ASTN1: variants seen among roughly 807,000 people sequenced by gnomAD.
ASTN1 encodes astrotactin-1.
Under a neutral mutation model 140.7 loss-of-function variants are expected in ASTN1, and 41 were observed. The ratio of observed to expected loss-of-function variants is 0.29; its 90% CI spans 0.23 to 0.38. The LOEUF is 0.38. Among genes scored for constraint, ASTN1 ranks in the 10% least tolerant of loss-of-function variants. ASTN1 has a pLI of 1.00. For synonymous variants in ASTN1, 640 were observed against 652.2 expected (o/e 0.98, Z 0.29); for missense variants, 1,479 against 1,678.8 (o/e 0.88, Z 2.08).
intron 2 of ASTN1, among the ~76,000 whole-genome samples, chr1:177,057,176 A>G (rs1334207443): frequency 2.0e-5 from 3 of 152,190 alleles, no homozygotes; most frequent in Non-Finnish European, 4.4e-5. Context: ...TGGAAAAAAT[A>G]ATTCAAAAAT....
intron 1 of ASTN1, among the ~76,000 whole-genome samples, chr1:177,135,803 A>G (rs774271766): frequency 6.6e-6 from 1 of 152,178 alleles, no homozygotes; most frequent in Non-Finnish European, 1.5e-5. Flanking sequence ...AAGTGTTCTC[A>G]TGACCCAGTA....
chr1:176,895,599 C>T (rs565717366), intron 16 of ASTN1, among the ~76,000 whole-genome samples: 2 of 152,278 alleles, frequency 1.3e-5, no homozygotes, highest in East Asian at 3.9e-4. Context: ...AAAAGATTTG[C>T]ACTCCAAAAC....
chr1:177,152,987 T>A (rs1036230960), intron 1 of ASTN1, among the ~76,000 whole-genome samples: 1 of 152,212 alleles, frequency 6.6e-6, no homozygotes, highest in Admixed American at 6.5e-5. Flanking sequence ...GATTATGAGC[T>A]ATTTAATAAC....
chr1:176,958,879 A>G (rs897964776), intron 9 of ASTN1, among the ~76,000 whole-genome samples: 13 of 152,198 alleles, frequency 8.5e-5, no homozygotes, highest in Non-Finnish European at 1.8e-4. Flanking sequence ...AGTGGTGGCA[A>G]TGGCATCTCT....
intron 1 of ASTN1, among the ~76,000 whole-genome samples, chr1:177,108,519 G>A (rs944248915): frequency 1.3e-5 from 2 of 151,568 alleles, no homozygotes; most frequent in Admixed American, 1.3e-4. Flanking sequence ...AGTGTAACAT[G>A]TGTCAGAAAT....
intron 16 of ASTN1, among the ~76,000 whole-genome samples, chr1:176,923,478 C>T (rs1670825754): frequency 6.6e-6 from 1 of 152,100 alleles, no homozygotes; most frequent in Non-Finnish European, 1.5e-5. Flanking sequence ...ATACAGCAGG[C>T]CCCCATCATC....
intron 16 of ASTN1, among the ~76,000 whole-genome samples, chr1:176,903,540 T>C (rs1001865943): frequency 6.6e-6 from 1 of 152,180 alleles, no homozygotes; most frequent in Non-Finnish European, 1.5e-5. Context: ...TGAATTGTAG[T>C]AAATTTGTGT....
At chr1:176,917,664 C>A (rs1184362897) in intron 16 of ASTN1, among the ~76,000 whole-genome samples, 2 of 152,094 alleles carry the variant, frequency 1.3e-5, no homozygotes, top group Admixed American at 6.5e-5. Context: ...GCTGGGCTAC[C>A]AGCAGGTGAG....
At chr1:176,907,494 A>G (rs1162771214) in intron 16 of ASTN1, among the ~76,000 whole-genome samples, 1 of 152,250 alleles carries the variant, frequency 6.6e-6, no homozygotes, top group Non-Finnish European at 1.5e-5. Flanking sequence ...ACAAGTAACC[A>G]AAAGTATTAC....
intron 2 of ASTN1, among the ~76,000 whole-genome samples, chr1:177,044,814 G>T (rs1421155358): frequency 1.3e-5 from 2 of 152,156 alleles, no homozygotes; most frequent in Non-Finnish European, 2.9e-5. Context: ...CAGCCAATCT[G>T]CAACATCATT....
Position 176,957,541 on chromosome 1 carries a change from A to AAC in ASTN1, c.1887+136_1887+137insGT, listed in dbSNP as rs1672461504. ...ACCTTCTCATCCTTATCAAGAGAAA[A>AAC]TCCCTAATTTACACTAAATGGTGTT... On this transcript the variant is annotated intron_variant, in intron 11 of 22. Transcript: ENST00000361833. 3 of 1,156,950 alleles carry AAC rather than the reference A, an allele frequency of 2.6e-6. No individual in the cohort carries two copies. The Admixed American group carries it at 8.3e-5, about 32-fold the overall frequency. The allele number at this position is 1,156,950 out of a possible 1,614,324, so 71.7% of individuals were successfully genotyped here.
At chr1:177,057,482 A>C (rs918328350) in intron 2 of ASTN1, among the ~76,000 whole-genome samples, 1 of 152,234 alleles carries the variant, frequency 6.6e-6, no homozygotes, top group Non-Finnish European at 1.5e-5. Context: ...ATATGGATAA[A>C]AAAGTATACA....
At chr1:176,995,166 G>A (rs1243710820) in intron 8 of ASTN1, among the ~76,000 whole-genome samples, 2 of 152,160 alleles carry the variant, frequency 1.3e-5, no homozygotes, top group Non-Finnish European at 2.9e-5. Flanking sequence ...CATTTATTCA[G>A]TGCTTAATAA....
At chr1:176,950,092 A>G (rs576747019) in intron 11 of ASTN1, among the ~76,000 whole-genome samples, 3 of 152,362 alleles carry the variant, frequency 2.0e-5, no homozygotes, top group South Asian at 4.1e-4. Context: ...CAAGAATTAT[A>G]GCAAAGAGAA....
chr1:176,962,131 C>T (rs1672691275), intron 9 of ASTN1, among the ~76,000 whole-genome samples: 1 of 152,200 alleles, frequency 6.6e-6, no homozygotes, highest in South Asian at 2.1e-4. Context: ...AGGATGCAGG[C>T]ACTCACTTTG....
chr1:177,022,541 C>G (rs1675884204), intron 7 of ASTN1, among the ~76,000 whole-genome samples: 1 of 152,156 alleles, frequency 6.6e-6, no homozygotes, highest in Non-Finnish European at 1.5e-5. Context: ...AATGGGAGAG[C>G]TCTAATTCAT....
chr1:176,988,495 T>C (rs1032898769), intron 8 of ASTN1, among the ~76,000 whole-genome samples: 2 of 152,170 alleles, frequency 1.3e-5, no homozygotes, highest in Non-Finnish European at 2.9e-5. Context: ...AATTTCCAAA[T>C]GAGTTTCTGA....
chr1:177,107,021 C>T (rs1680577174), intron 1 of ASTN1, among the ~76,000 whole-genome samples: 1 of 152,146 alleles, frequency 6.6e-6, no homozygotes, highest in Non-Finnish European at 1.5e-5. Context: ...GACCATCCCA[C>T]TGCCTCACCT....
chr1:177,106,033 G>A (rs1254821566), intron 1 of ASTN1, among the ~76,000 whole-genome samples: 1 of 152,078 alleles, frequency 6.6e-6, no homozygotes, highest in Non-Finnish European at 1.5e-5. Flanking sequence ...AAAACATGCA[G>A]TACAGAGAGG....
Sources: gnomAD v4.1 joint callset for allele counts (sites outside exome capture counted in the v4.1 genomes callset) on GRCh38, gnomAD v4.1.1 for gene constraint, MANE v1.5 for transcripts, NCBI Gene and HGNC (gene_info 2026-07-23, HGNC 2026-07-21) for gene names.